Variants in FYB1 observed in about 807,000 individuals in gnomAD.
FYB1 encodes FYN binding protein 1.
Under a neutral mutation model 94.1 loss-of-function variants are expected in FYB1, and 41 were observed. The ratio of observed to expected loss-of-function variants is 0.44; its 90% CI spans 0.34 to 0.57. FYB1 has a LOEUF of 0.57. FYB1 is among the 20% of genes least tolerant of loss of function. FYB1 has a pLI of 0.02. For synonymous variants in FYB1, 367 were observed against 353.2 expected (o/e 1.04, Z -0.44); for missense variants, 1,050 against 976.8 (o/e 1.07, Z -1.00).
At chr5:39,142,452 T>A (rs569004678) in intron 3 of FYB1, among the ~76,000 whole-genome samples, 40 of 152,316 alleles carry the variant, frequency 2.6e-4, no homozygotes, top group African/African-American at 7.5e-4. Context: ...TATTCTGAAT[T>A]TGATCTGAAT....
chr5:39,182,703 T>C (rs1409906745), intron 2 of FYB1, among the ~76,000 whole-genome samples: 11 of 152,218 alleles, frequency 7.2e-5, no homozygotes, highest in Non-Finnish European at 1.5e-4. Context: ...ACATGGGTGA[T>C]GTCAAATATA....
intron 1 of FYB1, among the ~76,000 whole-genome samples, chr5:39,272,008 A>T (rs573714953): frequency 6.6e-5 from 10 of 151,900 alleles, no homozygotes; most frequent in African/African-American, 2.4e-4. Flanking sequence ...TAGAATAGAG[A>T]TCATCAAAGT....
chr5:39,127,310 T>G (rs1449620862), intron 11 of FYB1, among the ~76,000 whole-genome samples: 1 of 151,638 alleles, frequency 6.6e-6, no homozygotes, highest in Non-Finnish European at 1.5e-5. Context: ...ACACAAGGGA[T>G]AGCCATGCAA....
intron 7 of FYB1, among the ~76,000 whole-genome samples, chr5:39,135,534 C>T (rs1226744712): frequency 6.6e-6 from 1 of 152,126 alleles, no homozygotes; most frequent in Non-Finnish European, 1.5e-5. Flanking sequence ...ATATTCTGAA[C>T]AGTATGGTGG....
chr5:39,151,441 C>T (rs1361089598), intron 3 of FYB1, among the ~76,000 whole-genome samples: 1 of 152,060 alleles, frequency 6.6e-6, no homozygotes, highest in African/African-American at 2.4e-5. Flanking sequence ...AGGCATGCAC[C>T]ATCATGCCCA....
intron 5 of FYB1, chr5:39,138,940 C>T (rs1285441130): frequency 7.2e-6 from 4 of 553,310 alleles, no homozygotes; most frequent in Non-Finnish European, 1.3e-5. Flanking sequence ...TTTTTTTCTC[C>T]TTAGAAATAG....
intron 2 of FYB1, among the ~76,000 whole-genome samples, chr5:39,190,529 A>T (rs545876296): frequency 5.8e-4 from 89 of 152,296 alleles, no homozygotes; most frequent in African/African-American, 2.1e-3. Flanking sequence ...ACTCAGCCCG[A>T]GAACAACTAA....
chr5:39,211,818 C>T (rs1749420924), intron 1 of FYB1, among the ~76,000 whole-genome samples: 2 of 152,112 alleles, frequency 1.3e-5, no homozygotes, highest in Non-Finnish European at 2.9e-5. Context: ...GACACACGCT[C>T]CTGGGTGGTA....
chr5:39,208,824 G>A (rs1345660617), intron 1 of FYB1: 1 of 152,210 alleles, frequency 6.6e-6, no homozygotes, highest in East Asian at 1.9e-4. Context: ...CAAAAAGACT[G>A]AGGAGACAGA....
chr5:39,162,565 G>T (rs765961897), intron 2 of FYB1, among the ~76,000 whole-genome samples: 1 of 151,986 alleles, frequency 6.6e-6, no homozygotes, highest in African/African-American at 2.4e-5. Flanking sequence ...CTTGTCTGTA[G>T]TCCCAGCTAC....
intron 2 of FYB1, among the ~76,000 whole-genome samples, chr5:39,196,367 C>T (rs556695650): frequency 1.3e-5 from 2 of 151,942 alleles, no homozygotes; most frequent in African/African-American, 2.4e-5. Flanking sequence ...CTATGCCTGG[C>T]TAATTTTTGT....
chr5:39,183,499 A>G (rs1339157501), intron 2 of FYB1, among the ~76,000 whole-genome samples: 1 of 152,216 alleles, frequency 6.6e-6, no homozygotes, highest in African/African-American at 2.4e-5. Flanking sequence ...CTTCTACACA[A>G]GTGAACTGCC....
chr5:39,248,101 C>A (rs1419605337), intron 1 of FYB1, among the ~76,000 whole-genome samples: 2 of 152,050 alleles, frequency 1.3e-5, no homozygotes, highest in African/African-American at 4.8e-5. Flanking sequence ...CACTCCACAG[C>A]AGACTTCATT....
chr5:39,173,464 C>T (rs1039085798), intron 2 of FYB1, among the ~76,000 whole-genome samples: 1 of 152,018 alleles, frequency 6.6e-6, no homozygotes, highest in Non-Finnish European at 1.5e-5. Context: ...GTTTTTGTTA[C>T]TGCTGCAATT....
chr5:39,207,928 A>G (rs1023046069), intron 1 of FYB1, among the ~76,000 whole-genome samples: 2 of 152,212 alleles, frequency 1.3e-5, no homozygotes, highest in African/African-American at 4.8e-5. Flanking sequence ...AAGAATTATC[A>G]GTCCAAAATG....
chr5:39,139,238 C>A lies in FYB1; in HGVS notation c.1354G>T (p.Asp452Tyr). ...VTHSDGAGNL[D>Y]EEQDSEGETY... The stretch of plus-strand genomic sequence containing the variant: ...AGAAGAGAAAAAAATCTGACCTCAT[C>A]TAGATTTCCAGCACCTAAAAGATTA... The change falls in exon 5 of 19, where the codon GAT becomes TAT. Residue 452 changes from aspartate (D) to tyrosine (Y), a missense_variant. Transcript: ENST00000512982. 6.8e-7 allele frequency: 1 copy of A among 1,462,282 alleles called. No homozygotes were observed. Among genetic ancestry groups the A allele is most frequent in the Non-Finnish European group, 9.2e-7 (1 of 1,082,056 alleles). The allele number at this position is 1,462,282 out of a possible 1,614,324, so 90.6% of individuals were successfully genotyped here.
intron 10 of FYB1, 126 bp downstream of exon 10, chr5:39,130,464 G>T: frequency 2.8e-6 from 2 of 723,474 alleles, no homozygotes; most frequent in Non-Finnish European, 2.4e-6. Flanking sequence ...ATGATGGATA[G>T]CCTAAATACG....
At chr5:39,238,326 T>G (rs1398619177) in intron 1 of FYB1, among the ~76,000 whole-genome samples, 1 of 152,010 alleles carries the variant, frequency 6.6e-6, no homozygotes, top group Non-Finnish European at 1.5e-5. Flanking sequence ...TAAGGAAGCC[T>G]GAGTGGGAGA....
chr5:39,168,062 C>G (rs1744902699), intron 2 of FYB1, among the ~76,000 whole-genome samples: 1 of 152,154 alleles, frequency 6.6e-6, no homozygotes, highest in South Asian at 2.1e-4. Flanking sequence ...AAAAATTAGT[C>G]AAACTAGATG....
Sources: allele counts gnomAD v4.1 joint callset (sites outside exome capture counted in the v4.1 genomes callset), GRCh38; gene constraint gnomAD v4.1.1; transcripts MANE v1.5; gene names NCBI Gene and HGNC (gene_info 2026-07-23, HGNC 2026-07-21).